The following PPARGC1B variants were observed in gnomAD, a reference collection of about 807,000 sequenced individuals.
The protein encoded by PPARGC1B is PPARG coactivator 1 beta, also known as peroxisome proliferator-activated receptor gamma coactivator 1-beta.
PPARGC1B carries 34 observed loss-of-function variants against 101.6 expected under a neutral mutation model. That is an observed-to-expected ratio of 0.33 (90% CI 0.25 to 0.45). The LOEUF (loss-of-function observed/expected upper bound fraction) is 0.45, where lower values mean the gene tolerates loss of function less well. Among genes scored for constraint, PPARGC1B ranks in the 20% least tolerant of loss-of-function variants. The probability of loss-of-function intolerance (pLI) is 1.00; values close to 1 mark genes in which losing one functional copy is unlikely to be tolerated. For synonymous variants in PPARGC1B, 548 were observed against 539.3 expected (o/e 1.02, Z -0.22); for missense variants, 1,234 against 1,317.6 (o/e 0.94, Z 0.98).
At chr5:149,786,243 T>G (rs1412405069) in intron 1 of PPARGC1B, among the ~76,000 whole-genome samples, 1 of 152,016 alleles carries the variant, frequency 6.6e-6, no homozygotes, top group Non-Finnish European at 1.5e-5. Context: ...CAGGTGTGCA[T>G]CATCACCCCC....
At chr5:149,731,024 G>T (rs1297283080) in intron 1 of PPARGC1B, among the ~76,000 whole-genome samples, 3 of 152,254 alleles carry the variant, frequency 2.0e-5, no homozygotes, top group Non-Finnish European at 4.4e-5. Flanking sequence ...TCCTGGTTTC[G>T]CTATCGGGCG....
chr5:149,770,549 A>C (rs1360484694), intron 1 of PPARGC1B, among the ~76,000 whole-genome samples: 1 of 152,156 alleles, frequency 6.6e-6, no homozygotes, highest in Non-Finnish European at 1.5e-5. Context: ...TTTACCTGTT[A>C]AGTGCAAATA....
At chr5:149,739,090 T>G (rs1169623420) in intron 1 of PPARGC1B, among the ~76,000 whole-genome samples, 1 of 152,196 alleles carries the variant, frequency 6.6e-6, no homozygotes, top group Non-Finnish European at 1.5e-5. Context: ...CAATGTCAGG[T>G]TCTCTGAAAG....
chr5:149,762,160 T>G (rs1366654410), intron 1 of PPARGC1B, among the ~76,000 whole-genome samples: 1 of 151,024 alleles, frequency 6.6e-6, no homozygotes, highest in Non-Finnish European at 1.5e-5. Context: ...CATGGGTTTT[T>G]TTTTTTTTTT....
intron 1 of PPARGC1B, among the ~76,000 whole-genome samples, chr5:149,734,339 A>AC (rs1283551663): frequency 1.3e-5 from 2 of 150,902 alleles, no homozygotes; most frequent in Non-Finnish European, 3.0e-5. Flanking sequence ...AAAAAAAAAA[A>AC]AAAAAAGGAG....
rs368095339 is a variant in PPARGC1B, at chr5:149,835,392, G to A, written c.1807+27G>A. The stretch of plus-strand genomic sequence containing the variant: ...TGAGCCAGGGGGCTTCCACTGGCAG[G>A]TGCCTTCAGGAAAACACCCGTGCAT... On this transcript the variant is annotated intron_variant, in intron 7 of 11. Coordinates refer to ENST00000309241, the MANE Select transcript of PPARGC1B (RefSeq NM_133263.4). 6.0e-5 allele frequency: 96 copies of A among 1,604,676 alleles called. No homozygotes were observed. The Middle Eastern group carries it at 6.6e-4, about 11-fold the overall frequency.
chr5:149,744,358 G>T lies in PPARGC1B; in HGVS notation c.78+13938G>T, dbSNP rs62382276. 7.0e-3 allele frequency among the ~76,000 whole-genome samples: 1,065 copies of T among 152,290 alleles called. 7 individuals are homozygous for T. The highest frequency in any genetic ancestry group is 0.011 in the Non-Finnish European group (773 of 68,020). ...ATGTAGGCATGGGGTGAGAGGTGAG[G>T]ATCTACCAGAGGCAGACACGTGGAC... On this transcript the variant is annotated intron_variant, in intron 1 of 11. Coordinates refer to ENST00000309241, the MANE Select transcript of PPARGC1B (RefSeq NM_133263.4).
intron 3 of PPARGC1B, among the ~76,000 whole-genome samples, chr5:149,830,475 C>T (rs945115389): frequency 4.6e-5 from 7 of 152,066 alleles, no homozygotes; most frequent in African/African-American, 7.3e-5. Context: ...AATAGACAGA[C>T]GTTACCCAAG....
intron 1 of PPARGC1B, among the ~76,000 whole-genome samples, chr5:149,751,868 G>A (rs985799415): frequency 1.3e-5 from 2 of 152,162 alleles, no homozygotes; most frequent in African/African-American, 4.8e-5. Context: ...TTTATGGGCG[G>A]ATTCCTACCT....
chr5:149,771,996 AC>A, intron 1 of PPARGC1B: 1 of 1,445,252 alleles, frequency 6.9e-7, no homozygotes, highest in Non-Finnish European at 9.1e-7. Context: ...TCCCAGACTT[AC>A]AGGCAGGAAG....
intron 1 of PPARGC1B, among the ~76,000 whole-genome samples, chr5:149,817,990 C>T (rs1758123954): frequency 6.6e-6 from 1 of 152,226 alleles, no homozygotes. Context: ...AGGACCACGG[C>T]TGCATCCCCA....
chr5:149,832,948 G>T lies in PPARGC1B; in HGVS notation c.875G>T (p.Arg292Leu), dbSNP rs770848943. 1.2e-6 allele frequency: 2 copies of T among 1,613,020 alleles called. No individual in the cohort carries two copies. Among genetic ancestry groups the T allele is most frequent in the Admixed American group, 1.7e-5 (1 of 60,004 alleles). The change falls in exon 5 of 12, where the codon CGC (arginine) becomes CTC (leucine). Residue 292 changes from arginine (R) to leucine (L), a missense_variant. Arg to Leu is a moderately radical substitution (Grantham distance 102). Transcript: ENST00000309241. The surrounding 1 kb of genome is among the most constrained non-coding windows in gnomAD (Gnocchi z 4.9). ...ATGCAGGCGATGGTGCAACTCATAC[G>T]CTACATGCACACCTACTGCCTCCCC... ...EDMQAMVQLI[R>L]YMHTYCLPQR...
chr5:149,830,988 C>T lies in PPARGC1B; in HGVS notation c.582+105C>T, dbSNP rs1676650485. ...TTCAGTCAACCTCCAATATCTCTTC[C>T]CACTCCTCCCACAGCCCTTGTAGCT... On this transcript the variant is annotated intron_variant, in intron 4 of 11. Coordinates refer to ENST00000309241, the MANE Select transcript of PPARGC1B (RefSeq NM_133263.4). The T allele has an allele frequency of 5.2e-6, 4 of 774,620 alleles. No individual in the cohort carries two copies. In the Admixed American group the frequency reaches 7.4e-5, roughly 14 times the overall value. The allele number at this position is 774,620 out of a possible 1,614,324, so 48.0% of individuals were successfully genotyped here.
At chr5:149,806,909 C>CT (rs201620407) in intron 1 of PPARGC1B, among the ~76,000 whole-genome samples, 1 of 149,178 alleles carries the variant, frequency 6.7e-6, no homozygotes, top group Admixed American at 6.8e-5. Context: ...GCCTGGCCAA[C>CT]TTTTTAAAAA....
intron 1 of PPARGC1B, among the ~76,000 whole-genome samples, chr5:149,733,218 G>A (rs1463594154): frequency 6.6e-6 from 1 of 152,216 alleles, no homozygotes; most frequent in Non-Finnish European, 1.5e-5. Context: ...TAGATTAGAG[G>A]GAGGACTTCT....
At chr5:149,754,774 A>ATT (rs10560122) in intron 1 of PPARGC1B, among the ~76,000 whole-genome samples, 3 of 68,404 alleles carry the variant, frequency 4.4e-5, no homozygotes, top group East Asian at 4.4e-4. Flanking sequence ...GAGCATCCTG[A>ATT]TTTTTTTTTT....
intron 3 of PPARGC1B, among the ~76,000 whole-genome samples, chr5:149,828,792 A>T (rs1758629623): frequency 6.6e-6 from 1 of 152,188 alleles, no homozygotes; most frequent in Non-Finnish European, 1.5e-5. Flanking sequence ...TATACCTGTA[A>T]TCCCAACACT....
chr5:149,770,909 A>AT (rs1329784677), intron 1 of PPARGC1B, among the ~76,000 whole-genome samples: 5 of 152,220 alleles, frequency 3.3e-5, no homozygotes, highest in African/African-American at 7.2e-5. Context: ...ACCTTGAGTG[A>AT]TACCGAAGCC....
At chr5:149,750,453 A>AAAATATATATATATAT (rs1223165218) in intron 1 of PPARGC1B, among the ~76,000 whole-genome samples, 4 of 123,240 alleles carry the variant, frequency 3.2e-5, no homozygotes, top group Non-Finnish European at 6.8e-5. Context: ...TTTTAGTTAA[A>AAAATATATATATATAT]ATATATATAT....
Sources: gnomAD v4.1 joint callset for allele counts (sites outside exome capture counted in the v4.1 genomes callset) on GRCh38, gnomAD v4.1.1 for gene constraint, Gnocchi (gnomAD v3.1) non-coding constraint, MANE v1.5 for transcripts, NCBI Gene and HGNC (gene_info 2026-07-23, HGNC 2026-07-21) for gene names.